Variants in EXOC6 observed in about 807,000 individuals in gnomAD.
The protein encoded by EXOC6 is SEC15-like 1.
Under a neutral mutation model 112.5 loss-of-function variants are expected in EXOC6, and 60 were observed. The observed-to-expected ratio is 0.53, with a 90% CI of 0.43 to 0.66. The LOEUF is 0.66. Ranked by LOEUF, EXOC6 falls within the 30% of genes least tolerant of loss-of-function variation. The probability of loss-of-function intolerance (pLI) is 0.00; values close to 1 mark genes in which losing one functional copy is unlikely to be tolerated. For missense variants in EXOC6, 855 were observed against 957.1 expected (o/e 0.89, Z 1.41); for synonymous variants, 295 against 308.0 (o/e 0.96, Z 0.44).
chr10:92,846,425 G>A (rs1847055032), upstream of EXOC6, among the ~76,000 whole-genome samples: 1 of 152,206 alleles, frequency 6.6e-6, no homozygotes, highest in African/African-American at 2.4e-5. Flanking sequence ...CTGGGCTCAA[G>A]CAATCCTCCT....
chr10:92,888,921 C>T (rs1027559860), intron 1 of EXOC6, among the ~76,000 whole-genome samples: 1 of 152,088 alleles, frequency 6.6e-6, no homozygotes, highest in African/African-American at 2.4e-5. Flanking sequence ...ACCAGCTAGG[C>T]TATGTTGAGC....
chr10:93,013,425 G>A (rs1017180258), intron 19 of EXOC6, among the ~76,000 whole-genome samples: 1 of 151,982 alleles, frequency 6.6e-6, no homozygotes, highest in Non-Finnish European at 1.5e-5. Flanking sequence ...GGGCAACATG[G>A]TGAAACTCCA....
chr10:92,896,242 G>GGCTGGAGT (rs1404616087), intron 4 of EXOC6, among the ~76,000 whole-genome samples: 1 of 113,110 alleles, frequency 8.8e-6, no homozygotes, highest in Non-Finnish European at 1.7e-5. Context: ...CTATCTCCCA[G>GGCTGGAGT]GCTGGAGTGC....
chr10:92,848,281 C>A (rs1319159300), upstream of EXOC6, among the ~76,000 whole-genome samples: 1 of 152,118 alleles, frequency 6.6e-6, no homozygotes, highest in Non-Finnish European at 1.5e-5. Context: ...AGGGACTAGT[C>A]GCGAGAGAGG....
intron 15 of EXOC6, among the ~76,000 whole-genome samples, chr10:92,954,385 T>C (rs1223979935): frequency 6.6e-6 from 1 of 152,214 alleles, no homozygotes. Context: ...ATGATTTTTC[T>C]GTGGTTGTTA....
intron 1 of EXOC6, among the ~76,000 whole-genome samples, chr10:92,868,535 C>G (rs1228907866): frequency 6.6e-6 from 1 of 152,078 alleles, no homozygotes; most frequent in Non-Finnish European, 1.5e-5. Flanking sequence ...CCTGGTGACT[C>G]TTCCTTATTT....
At chr10:92,928,854 A>C (rs1416273567) in intron 9 of EXOC6, among the ~76,000 whole-genome samples, 1 of 152,224 alleles carries the variant, frequency 6.6e-6, no homozygotes, top group Non-Finnish European at 1.5e-5. Context: ...GGTGATAGTT[A>C]CATTAGTAGA....
chr10:92,900,585 T>C (rs1348478990), intron 5 of EXOC6: 1 of 151,866 alleles, frequency 6.6e-6, no homozygotes, highest in Non-Finnish European at 1.5e-5. Context: ...GTATTAATAA[T>C]ATATTCTCTT....
intron 9 of EXOC6, among the ~76,000 whole-genome samples, chr10:92,929,338 T>C (rs1851893536): frequency 6.6e-6 from 1 of 152,232 alleles, no homozygotes; most frequent in Non-Finnish European, 1.5e-5. Context: ...AAATTCATCA[T>C]ACATGGATAG....
intron 18 of EXOC6, among the ~76,000 whole-genome samples, chr10:92,975,423 T>C (rs1842491015): frequency 1.4e-5 from 2 of 144,830 alleles, no homozygotes; most frequent in African/African-American, 2.6e-5. Context: ...CCACCCCGTC[T>C]GGGAAGTGAG....
intron 4 of EXOC6, among the ~76,000 whole-genome samples, chr10:92,896,845 T>G (rs887595579): frequency 6.6e-6 from 1 of 152,192 alleles, no homozygotes. Context: ...TGTAAGCCAC[T>G]GCGCCTGGCC....
chr10:93,009,698 T>A (rs779204391), intron 19 of EXOC6, among the ~76,000 whole-genome samples: 2 of 152,132 alleles, frequency 1.3e-5, no homozygotes, highest in Non-Finnish European at 2.9e-5. Flanking sequence ...GGAAGGATGC[T>A]GTAGGCAGAG....
At chr10:92,995,201 TTGTG>T (rs761118744) in intron 18 of EXOC6, among the ~76,000 whole-genome samples, 1 of 151,894 alleles carries the variant, frequency 6.6e-6, no homozygotes, top group African/African-American at 2.4e-5. Flanking sequence ...AGAGCTAAAT[TTGTG>T]TGTGTGTATG....
upstream of EXOC6, among the ~76,000 whole-genome samples, chr10:92,843,494 A>G (rs1473456147): frequency 6.6e-6 from 1 of 152,254 alleles, no homozygotes; most frequent in Admixed American, 6.5e-5. Context: ...TTGCGAGGAT[A>G]ATGATAGGGT....
At chr10:93,021,890 C>T (rs912495267) in intron 20 of EXOC6, among the ~76,000 whole-genome samples, 3 of 151,990 alleles carry the variant, frequency 2.0e-5, no homozygotes, top group African/African-American at 7.2e-5. Flanking sequence ...GGTGGTAATT[C>T]GTTTATGTGA....
intron 18 of EXOC6, among the ~76,000 whole-genome samples, chr10:92,982,132 A>G (rs1447968198): frequency 1.3e-5 from 2 of 152,264 alleles, no homozygotes; most frequent in African/African-American, 4.8e-5. Flanking sequence ...AACCAAACAA[A>G]AAAACCAGAC....
Position 92,940,582 on chromosome 10 carries a change from A to G in EXOC6, c.1213-145A>G, listed in dbSNP as rs532475633. 70 of 602,272 alleles carry G rather than the reference A, an allele frequency of 1.2e-4. No individual in the cohort carries two copies. In the African/African-American group the frequency reaches 1.2e-3, roughly 10 times the overall value. 37.3% of individuals were successfully genotyped at this position (602,272 alleles called of 1,614,324 possible). ...CCGAATGCAATGTAGTAGAAAGTCAAAATGTATCTTTTTTTTCTTACTGTG... is the reference window on the plus strand; with the variant it reads ...CCGAATGCAATGTAGTAGAAAGTCAGAATGTATCTTTTTTTTCTTACTGTG... On this transcript the variant is annotated intron_variant, in intron 12 of 21. Transcript: ENST00000260762.
chr10:93,015,323 T>G (rs1277560819), intron 20 of EXOC6, among the ~76,000 whole-genome samples: 1 of 152,262 alleles, frequency 6.6e-6, no homozygotes, highest in African/African-American at 2.4e-5. Context: ...GTCTATTATA[T>G]ATTCATTATT....
Position 92,948,573 on chromosome 10 carries a change from CACTACT to C in EXOC6, c.1416+237_1416+242del, listed in dbSNP as rs71028860. 5.1e-3 allele frequency among the ~76,000 whole-genome samples: 712 copies of C among 140,172 alleles called. 2 individuals carry two copies. Among genetic ancestry groups the C allele is most frequent in the Admixed American group, 0.01 (140 of 13,614 alleles). The allele number at this position is 140,172 out of a possible 152,430, so 92.0% of individuals were successfully genotyped here. A position where few individuals can be genotyped will look rare whatever the true frequency, so the allele number is the denominator to read the frequency against. On this transcript the variant is annotated intron_variant, in intron 14 of 21. Transcript: ENST00000260762. ...ATGTTATTACTACTACTACTACTAC[CACTACT>C]ACTACTACTACTACTACTACTACTA... is the stretch of plus-strand genomic sequence containing the variant.
Sources: allele counts gnomAD v4.1 joint callset (sites outside exome capture counted in the v4.1 genomes callset), GRCh38; gene constraint gnomAD v4.1.1; transcripts MANE v1.5; gene names NCBI Gene and HGNC (gene_info 2026-07-23, HGNC 2026-07-21).